Variants in TG observed in about 807,000 individuals in gnomAD.
TG encodes thyroid hormones.
In TG, 270 loss-of-function variants were observed where a neutral mutation model predicts 324.7. That is an observed-to-expected ratio of 0.83 (90% CI 0.75 to 0.92). The LOEUF is 0.92. Among genes scored for constraint, TG ranks in the 40% least tolerant of loss-of-function variants. The pLI is 0.00. For missense variants in TG, 3,591 were observed against 3,456.4 expected (o/e 1.04, Z -0.98); for synonymous variants, 1,401 against 1,327.0 (o/e 1.06, Z -1.21).
intron 44 of TG, among the ~76,000 whole-genome samples, chr8:133,114,412 A>G (rs2131764010): frequency 6.6e-6 from 1 of 152,298 alleles, no homozygotes; most frequent in African/African-American, 2.4e-5. Flanking sequence ...GGTTGTCGGG[A>G]CAGACCTGCC....
intron 26 of TG, among the ~76,000 whole-genome samples, chr8:132,942,675 T>C (rs1172995422): frequency 1.3e-5 from 2 of 152,122 alleles, no homozygotes; most frequent in Non-Finnish European, 2.9e-5. Flanking sequence ...TCAGCAAACA[T>C]GTTTGGAGCA....
chr8:132,944,498 T>A (rs1414720712), intron 26 of TG, among the ~76,000 whole-genome samples: 1 of 152,216 alleles, frequency 6.6e-6, no homozygotes, highest in Non-Finnish European at 1.5e-5. Context: ...GAGTTATTTA[T>A]CCTCAGCCTT....
At chr8:133,090,505 T>C (rs1162977535) in intron 41 of TG, among the ~76,000 whole-genome samples, 1 of 152,348 alleles carries the variant, frequency 6.6e-6, no homozygotes, top group East Asian at 1.9e-4. Flanking sequence ...CTGCTTTGCA[T>C]GTAGAGGCAC....
chr8:132,987,044 T>C (rs190470612), intron 35 of TG, among the ~76,000 whole-genome samples: 1 of 152,172 alleles, frequency 6.6e-6, no homozygotes, highest in African/African-American at 2.4e-5. Context: ...ATTACTGACA[T>C]GTGAATTACC....
chr8:132,944,887 T>C (rs1274652511), intron 26 of TG, among the ~76,000 whole-genome samples: 3 of 152,100 alleles, frequency 2.0e-5, no homozygotes, highest in Non-Finnish European at 4.4e-5. Context: ...ATGGAAAGAA[T>C]AGCATATGCA....
chr8:132,969,678 C>T lies in TG; in HGVS notation c.5975+109C>T, dbSNP rs953696657. On this transcript the variant is annotated intron_variant, in intron 32 of 47. Transcript: ENST00000220616. ...AAGCATACCCAGCACTTTGGGAGGC[C>T]GAGCTGGGCTGATCACGAGGTCAAG... 26 of 825,466 alleles carry T rather than the reference C, an allele frequency of 3.1e-5. 1 individual carries two copies. Among genetic ancestry groups the T allele is most frequent in the Admixed American group, 1.3e-4 (7 of 52,752 alleles). The allele number at this position is 825,466 out of a possible 1,614,324, so 51.1% of individuals were successfully genotyped here.
intron 41 of TG, chr8:133,050,551 T>A (rs1214722684): frequency 2.6e-6 from 1 of 383,782 alleles, no homozygotes; most frequent in Admixed American, 4.3e-5. Flanking sequence ...AAGAAGAATA[T>A]GAGAAGAGGC....
Position 132,908,228 on chromosome 8 carries a change from A to G in TG, c.3890A>G (p.Gln1297Arg). The change falls in exon 18 of 48, where the codon CAG (glutamine) becomes CGG (arginine). Residue 1297 changes from glutamine to arginine, a missense_variant. Transcript: ENST00000220616. ...WQTIQTQGHF[Q>R]LQLPPGKMCS... ...ACCATCCAGACCCAAGGGCACTTTCAGCTCCAGCTCCCGCCGGGCAAGATG... is the reference window on the plus strand; with the variant it reads ...ACCATCCAGACCCAAGGGCACTTTCGGCTCCAGCTCCCGCCGGGCAAGATG... 6.2e-7 allele frequency: 1 copy of G among 1,613,974 alleles called. No individual in the cohort carries two copies. Among genetic ancestry groups the G allele is most frequent in the Non-Finnish European group, 8.5e-7 (1 of 1,179,982 alleles).
intron 27 of TG, 107 bp from the exon 28 acceptor site, chr8:132,960,901 C>T: frequency 8.8e-7 from 1 of 1,133,388 alleles, no homozygotes; most frequent in Non-Finnish European, 1.3e-6. Flanking sequence ...ACAGAGTTTT[C>T]AGGCCTAGGA....
At chr8:132,882,362 T>C (rs1814765107) in intron 6 of TG, 107 bp from the exon 7 acceptor site, 1 of 1,315,018 alleles carries the variant, frequency 7.6e-7, no homozygotes, top group African/African-American at 1.4e-5. Context: ...ACTTATTGCC[T>C]AATGATGCTG....
intron 1 of TG, among the ~76,000 whole-genome samples, chr8:132,867,855 G>C (rs1048497746): frequency 6.6e-6 from 1 of 151,964 alleles, no homozygotes; most frequent in Non-Finnish European, 1.5e-5. Context: ...GTGACTTTGG[G>C]CAGACGACTT....
In TG at chr8:133,059,196, C is replaced by T. The variant is rs28528318; in HGVS notation, c.7239+29173C>T. 2,404 of 451,934 alleles carry T rather than the reference C, an allele frequency of 5.3e-3. 14 individuals are homozygous for T. Among genetic ancestry groups the T allele is most frequent in the Admixed American group, 8.4e-3 (353 of 42,172 alleles). The allele number at this position is 451,934 out of a possible 1,614,324, so 28.0% of individuals were successfully genotyped here. On this transcript the variant is annotated intron_variant, in intron 41 of 47. Transcript: ENST00000220616. ...TGGGAACCATGTGTGGTCACCCCTG[C>T]GAGGAAATGGGACACCAGGCCCCAA...
intron 34 of TG, 134 bp from the exon 35 acceptor site, chr8:132,983,216 T>C (rs779608877): frequency 2.5e-5 from 23 of 911,808 alleles, no homozygotes; most frequent in Non-Finnish European, 3.8e-5. Context: ...CCCTGACCGA[T>C]ACAGGTTGGG....
chr8:133,105,635 G>T (rs1849736829), intron 43 of TG, among the ~76,000 whole-genome samples: 1 of 152,058 alleles, frequency 6.6e-6, no homozygotes, highest in African/African-American at 2.4e-5. Flanking sequence ...AAGGTATGAG[G>T]TTCAAGCTGG....
intron 41 of TG, among the ~76,000 whole-genome samples, chr8:133,058,028 G>A (rs996032632): frequency 2.6e-5 from 4 of 152,166 alleles, no homozygotes; most frequent in South Asian, 2.1e-4. Flanking sequence ...GACCTGCACC[G>A]TCTCCTAGGT....
intron 26 of TG, among the ~76,000 whole-genome samples, 154 bp from the exon 27 acceptor site, chr8:132,948,622 C>T (rs981396985): frequency 6.6e-6 from 1 of 152,202 alleles, no homozygotes; most frequent in Non-Finnish European, 1.5e-5. Flanking sequence ...AGGATTGTCT[C>T]AATTTAAAAC....
At chr8:132,957,768 C>CACACAG (rs1554680152) in intron 27 of TG, among the ~76,000 whole-genome samples, 45 of 145,018 alleles carry the variant, frequency 3.1e-4, no homozygotes, top group African/African-American at 9.0e-4. Flanking sequence ...CACACACACA[C>CACACAG]ACACACACAC....
At chr8:132,997,804 G>C (rs1373780740) in intron 35 of TG, among the ~76,000 whole-genome samples, 2 of 152,200 alleles carry the variant, frequency 1.3e-5, no homozygotes. Context: ...ACATTAGCTG[G>C]TAATCATGTT....
At chr8:132,961,421 T>G (rs1302999093) in intron 28 of TG, among the ~76,000 whole-genome samples, 1 of 152,168 alleles carries the variant, frequency 6.6e-6, no homozygotes, top group Non-Finnish European at 1.5e-5. Flanking sequence ...CAGCCCCATG[T>G]GCCTTTCACC....
Sources: gnomAD v4.1 joint callset for allele counts (sites outside exome capture counted in the v4.1 genomes callset) on GRCh38, gnomAD v4.1.1 for gene constraint, MANE v1.5 for transcripts, NCBI Gene and HGNC (gene_info 2026-07-23, HGNC 2026-07-21) for gene names.